The following SYT16 variants were observed in gnomAD, a reference collection of about 807,000 sequenced individuals.
SYT16 encodes the protein synaptotagmin-16.
A neutral mutation model predicts 61.4 loss-of-function variants in SYT16; 42 were observed. The observed-to-expected ratio is 0.68, with a 90% CI of 0.53 to 0.89. The LOEUF (loss-of-function observed/expected upper bound fraction) is 0.89. Among genes scored for constraint, SYT16 ranks in the 40% least tolerant of loss-of-function variants. SYT16 has a pLI of 0.00. For missense variants in SYT16, 804 were observed against 807.3 expected, an observed-to-expected ratio of 1.00 and a Z score of 0.05; for synonymous variants, 314 against 302.3, an observed-to-expected ratio of 1.04 and a Z score of -0.40.
intron 1 of SYT16, among the ~76,000 whole-genome samples, chr14:61,929,052 C>T (rs905001841): frequency 2.0e-5 from 3 of 152,206 alleles, no homozygotes; most frequent in South Asian, 2.1e-4. Flanking sequence ...TGGTGGTTCA[C>T]CTCTTCAGCA....
intron 1 of SYT16, among the ~76,000 whole-genome samples, chr14:61,831,100 AT>A (rs1414173300): frequency 1.3e-5 from 2 of 152,214 alleles, no homozygotes; most frequent in Non-Finnish European, 2.9e-5. Flanking sequence ...TGTCTAAGAC[AT>A]TTTTGGTTGT....
At chr14:62,039,878 C>CACACAT (rs71117864) in intron 3 of SYT16, among the ~76,000 whole-genome samples, 2 of 67,922 alleles carry the variant, frequency 2.9e-5, no homozygotes, top group East Asian at 4.5e-4. Context: ...CACACACACA[C>CACACAT]GCACATACAC....
chr14:62,042,526 C>A (rs1320327604), intron 3 of SYT16, among the ~76,000 whole-genome samples: 2 of 152,184 alleles, frequency 1.3e-5, no homozygotes, highest in Non-Finnish European at 2.9e-5. Context: ...AGAGTTTACC[C>A]TGTGCACTGT....
At chr14:61,864,228 C>T (rs1451218569) in intron 1 of SYT16, among the ~76,000 whole-genome samples, 3 of 152,212 alleles carry the variant, frequency 2.0e-5, no homozygotes, top group Non-Finnish European at 2.9e-5. Context: ...GGAGGTACTC[C>T]CCTTACAGGC....
At chr14:61,840,215 T>C (rs2046262351) in intron 1 of SYT16, among the ~76,000 whole-genome samples, 1 of 152,068 alleles carries the variant, frequency 6.6e-6, no homozygotes, top group Admixed American at 6.5e-5. Context: ...GCCAAGATAA[T>C]GAATCATTTG....
At chr14:61,971,137 T>C (rs1326744604) in intron 2 of SYT16, among the ~76,000 whole-genome samples, 1 of 152,194 alleles carries the variant, frequency 6.6e-6, no homozygotes, top group Non-Finnish European at 1.5e-5. Context: ...GTTACTGATA[T>C]GGCAGCTTTT....
intron 1 of SYT16, among the ~76,000 whole-genome samples, chr14:61,882,556 A>G (rs1311710110): frequency 1.3e-5 from 2 of 152,164 alleles, no homozygotes; most frequent in Non-Finnish European, 2.9e-5. Context: ...ACAATTCAAG[A>G]TGAGATTTTG....
At chr14:61,923,017 C>A (rs2049395251) in intron 1 of SYT16, among the ~76,000 whole-genome samples, 2 of 150,766 alleles carry the variant, frequency 1.3e-5, no homozygotes, top group South Asian at 4.2e-4. Flanking sequence ...CCATTGCACT[C>A]CAGCCTGGTC....
Position 62,080,913 on chromosome 14 carries a change from T to G in SYT16, c.1073T>G (p.Phe358Cys), listed in dbSNP as rs868686303. The G allele has an allele frequency of 6.2e-7, 1 of 1,606,676 alleles. No homozygotes were observed. Among genetic ancestry groups the G allele is most frequent in the African/African-American group, 1.3e-5 (1 of 74,884 alleles). The change falls in exon 6 of 8, where the codon TTT (phenylalanine) becomes TGT (cysteine). Residue 358 changes from phenylalanine to cysteine, a missense_variant. Transcript: ENST00000683842. ...AAGTGTGGTGACCTAGATGTCATCT[T>G]TGAATATAGAGCCGCCAGCCAGAAG... ...ISKCGDLDVI[F>C]EYRAASQKLT... is the part of the protein sequence containing the mutation.
chr14:62,031,612 A>C (rs2054311720), intron 3 of SYT16, among the ~76,000 whole-genome samples: 1 of 152,200 alleles, frequency 6.6e-6, no homozygotes, highest in Non-Finnish European at 1.5e-5. Context: ...ACTGTCGAGG[A>C]AACTGAGACC....
chr14:61,906,787 G>GTCCATCCATCCATCCATCCA lies in SYT16; in HGVS notation c.-324-63321_-324-63302dup, dbSNP rs60022651. 5.8e-3 allele frequency among the ~76,000 whole-genome samples: 821 copies of GTCCATCCATCCATCCATCCA among 142,418 alleles called. 17 individuals are homozygous for GTCCATCCATCCATCCATCCA. The highest frequency in any genetic ancestry group is 0.021 in the African/African-American group (762 of 36,944). The allele number at this position is 142,418 out of a possible 152,430, so 93.4% of individuals were successfully genotyped here. ...CGTCAATCCATCCATCCGTCCGTCCGTCCATCCATCCATCCATCCATCCAT... is the reference window on the plus strand; with the variant it reads ...CGTCAATCCATCCATCCGTCCGTCCGTCCATCCATCCATCCATCCATCCATCCATCCATCCATCCATCCAT... On this transcript the variant is annotated intron_variant, in intron 1 of 7. Coordinates refer to ENST00000683842, the MANE Select transcript of SYT16 (RefSeq NM_001367656.1).
intron 1 of SYT16, among the ~76,000 whole-genome samples, chr14:61,834,624 A>G (rs572455037): frequency 2.6e-5 from 4 of 151,404 alleles, no homozygotes; most frequent in Non-Finnish European, 4.4e-5. Context: ...TTTAGTAGAG[A>G]TGGGGTTTCA....
intron 1 of SYT16, among the ~76,000 whole-genome samples, chr14:61,906,590 A>G (rs1346628616): frequency 1.3e-5 from 2 of 152,092 alleles, no homozygotes; most frequent in African/African-American, 2.4e-5. Context: ...TATGTTCAGT[A>G]CTTTGCTAAG....
chr14:61,982,346 G>A (rs146485562), intron 2 of SYT16, among the ~76,000 whole-genome samples: 103 of 152,250 alleles, frequency 6.8e-4, no homozygotes, highest in African/African-American at 2.2e-3. Context: ...GAAGTTTAAT[G>A]GACTCAGAGT....
chr14:62,089,237 G>A (rs893535415), intron 7 of SYT16, among the ~76,000 whole-genome samples: 4 of 151,716 alleles, frequency 2.6e-5, no homozygotes, highest in African/African-American at 7.3e-5. Flanking sequence ...GAGAATTGCT[G>A]GAACCTGGGA....
chr14:62,022,422 T>C lies in SYT16; in HGVS notation c.523+25880T>C, dbSNP rs2053944959. Among the ~76,000 whole-genome samples, 6 of 152,206 alleles carry C rather than the reference T, an allele frequency of 3.9e-5. No homozygotes were observed. In the South Asian group the frequency reaches 1.2e-3, roughly 31 times the overall value. On this transcript the variant is annotated intron_variant, in intron 3 of 7. Coordinates refer to ENST00000683842, the MANE Select transcript of SYT16 (RefSeq NM_001367656.1). The stretch of plus-strand genomic sequence containing the variant: ...TATTGTTCTTTTGAAGCTAATATTC[T>C]GTTCTGCACTGGCTGTTTCTGCGAG...
At chr14:61,957,202 TTA>T (rs199991367) in intron 1 of SYT16, among the ~76,000 whole-genome samples, 62 of 120,184 alleles carry the variant, frequency 5.2e-4, no homozygotes, top group Admixed American at 1.2e-3. Context: ...CAGTTTTTTA[TTA>T]TTTTTTTTAA....
chr14:61,925,206 G>A lies in SYT16; in HGVS notation c.-324-44926G>A, dbSNP rs76616742. ...AGATTCTGACGGTAAGATGCTCTTC[G>A]ATTGCTTTTTCAATTCTCTTCCTTC... On this transcript the variant is annotated intron_variant, in intron 1 of 7. Coordinates refer to ENST00000683842, the MANE Select transcript of SYT16 (RefSeq NM_001367656.1). Among the ~76,000 whole-genome samples, 18 of 152,206 alleles carry A rather than the reference G, an allele frequency of 1.2e-4. No individual in the cohort carries two copies. The Middle Eastern group carries it at 0.01, about 87-fold the overall frequency.
intron 1 of SYT16, among the ~76,000 whole-genome samples, chr14:61,922,372 T>C (rs1169427689): frequency 6.6e-6 from 1 of 152,248 alleles, no homozygotes; most frequent in Non-Finnish European, 1.5e-5. Flanking sequence ...TGAGATCATG[T>C]CCTTTTCAGG....
Sources: allele counts gnomAD v4.1 joint callset (sites outside exome capture counted in the v4.1 genomes callset), GRCh38; gene constraint gnomAD v4.1.1; transcripts MANE v1.5; gene names NCBI Gene and HGNC (gene_info 2026-07-23, HGNC 2026-07-21).